TIA1: variants seen among roughly 807,000 people sequenced by gnomAD.
TIA1 encodes cytotoxic granule associated RNA binding protein TIA1.
TIA1 carries 23 observed loss-of-function variants against 65.9 expected under a neutral mutation model. That is an observed-to-expected ratio of 0.35 (90% CI 0.25 to 0.49). TIA1 has a LOEUF of 0.49. TIA1 is among the 20% of genes least tolerant of loss of function. The pLI, the probability that TIA1 is intolerant of heterozygous loss-of-function variation, is 0.98. For synonymous variants in TIA1, 147 were observed against 149.4 expected, an observed-to-expected ratio of 0.98 and a Z score of 0.12; for missense variants, 371 against 477.9, an observed-to-expected ratio of 0.78 and a Z score of 2.09.
intron 6 of TIA1, chr2:70,225,475 T>C: frequency 7.9e-7 from 1 of 1,267,998 alleles, no homozygotes; most frequent in Non-Finnish European, 1.0e-6. Context: ...CTCAAAAAAT[T>C]GGACTCAAAT....
At chr2:70,241,206 G>C (rs1179310354) in intron 1 of TIA1, among the ~76,000 whole-genome samples, 1 of 152,114 alleles carries the variant, frequency 6.6e-6, no homozygotes, top group African/African-American at 2.4e-5. Context: ...TAGCACTTTG[G>C]GAGACCGAGG....
chr2:70,226,916 A>G (rs967325265), intron 6 of TIA1, among the ~76,000 whole-genome samples: 3 of 152,132 alleles, frequency 2.0e-5, no homozygotes, highest in African/African-American at 7.2e-5. Context: ...AAATTCACCA[A>G]TACTACTGGC....
Position 70,228,608 on chromosome 2 carries a change from G to A in TIA1, c.310+451C>T, listed in dbSNP as rs560511049. 2.9e-5 allele frequency: 32 copies of A among 1,114,098 alleles called. No homozygotes were observed. In the Middle Eastern group the frequency reaches 8.1e-4, roughly 28 times the overall value. 69.0% of individuals were successfully genotyped at this position (1,114,098 alleles called of 1,614,324 possible). A position where few individuals can be genotyped will look rare whatever the true frequency, so the allele number is the denominator to read the frequency against. ...AGAAACACTTTAAAAATGCAAAATT[G>A]TTGGACCAACACTTTAAAATGGACA... On this transcript the variant is annotated intron_variant, in intron 5 of 12. Coordinates refer to ENST00000433529, the MANE Select transcript of TIA1 (RefSeq NM_022173.4).
At chr2:70,241,498 T>C (rs1377683829) in intron 1 of TIA1, among the ~76,000 whole-genome samples, 2 of 152,148 alleles carry the variant, frequency 1.3e-5, no homozygotes, top group Non-Finnish European at 2.9e-5. Context: ...TGACTATGAA[T>C]TCTTTGGATA....
In TIA1 at chr2:70,243,328, G is replaced by A. The variant is rs552855393; in HGVS notation, c.26+5077C>T. Among the ~76,000 whole-genome samples the A allele has an allele frequency of 3.3e-5, 5 of 152,262 alleles. No homozygotes were observed. The South Asian group carries it at 1.0e-3, about 32-fold the overall frequency. On this transcript the variant is annotated intron_variant, in intron 1 of 12. Coordinates refer to ENST00000433529, the MANE Select transcript of TIA1 (RefSeq NM_022173.4). ...TATAGTCCCAGCTATTCAGGAGGCT[G>A]AGGTGGGAAGATCCCTTGAGCCTGA...
intron 1 of TIA1, among the ~76,000 whole-genome samples, chr2:70,239,202 C>G (rs1407980718): frequency 6.6e-6 from 1 of 152,180 alleles, no homozygotes; most frequent in Non-Finnish European, 1.5e-5. Flanking sequence ...ACGCCATTCT[C>G]CTGCCTCAGC....
chr2:70,248,257 T>C (rs1420740354), intron 1 of TIA1, 148 bp downstream of exon 1: 53 of 863,342 alleles, frequency 6.1e-5, no homozygotes, highest in Non-Finnish European at 8.4e-5. Flanking sequence ...TGGGTCTTGG[T>C]TGTAAGCATC....
At chr2:70,238,255 C>T (rs1475058279) in intron 1 of TIA1, among the ~76,000 whole-genome samples, 3 of 147,580 alleles carry the variant, frequency 2.0e-5, no homozygotes, top group Non-Finnish European at 4.5e-5. Context: ...TTGACGTTCC[C>T]CCAAGTTTTT....
chr2:70,242,288 T>C (rs1028086473), intron 1 of TIA1, among the ~76,000 whole-genome samples: 21 of 151,990 alleles, frequency 1.4e-4, no homozygotes, highest in African/African-American at 5.1e-4. Flanking sequence ...ATCCCAGCAC[T>C]TTGGGAGGCT....
chr2:70,239,994 C>T (rs1419264551), intron 1 of TIA1, among the ~76,000 whole-genome samples: 2 of 152,108 alleles, frequency 1.3e-5, no homozygotes, highest in African/African-American at 4.8e-5. Context: ...AATGTGTAAA[C>T]CCTAATGAAA....
chr2:70,235,989 C>T (rs2104570115), intron 2 of TIA1, 90 bp downstream of exon 2: 2 of 708,940 alleles, frequency 2.8e-6, no homozygotes, highest in Non-Finnish European at 2.4e-6. Context: ...ATATTTAGAC[C>T]ATGGTAAACT....
In TIA1 at chr2:70,211,323, CG is replaced by C. The variant is rs1676434064; in HGVS notation, c.*1395del. 1 of 152,210 alleles carries C rather than the reference CG, an allele frequency of 6.6e-6. No individual in the cohort carries two copies. The highest frequency in any genetic ancestry group is 1.5e-5 in the Non-Finnish European group (1 of 68,002). The allele number at this position is 152,210 out of a possible 1,614,324, so 9.4% of individuals were successfully genotyped here. ...TGGAGCCACCCCAAAATAATAAAATCGGGAACTCCAGGAAAACAGGTACCAA... is the reference window on the plus strand; with the variant it reads ...TGGAGCCACCCCAAAATAATAAAATCGGAACTCCAGGAAAACAGGTACCAA... On this transcript the variant is annotated 3_prime_UTR_variant, in exon 13 of 13. Transcript: ENST00000433529.
At chr2:70,214,216 A>T in intron 12 of TIA1, 133 bp downstream of exon 12, 1 of 970,890 alleles carries the variant, frequency 1.0e-6, no homozygotes, top group Non-Finnish European at 1.4e-6. Flanking sequence ...AAACAATTTT[A>T]AGTTCTTTCA....
At chr2:70,214,632 TAAAAA>T (rs758601002) in intron 11 of TIA1, 138 bp from the exon 12 acceptor site, 6 of 311,978 alleles carry the variant, frequency 1.9e-5, no homozygotes, top group Admixed American at 9.1e-5. Context: ...AGTTGACTGC[TAAAAA>T]AAAAAAAAAA....
Position 70,248,444 on chromosome 2 carries a change from G to T in TIA1, c.-14C>A. ...CTCGTCCTCCATGGCTGCTGCTGTC[G>T]CGGCGGCGCCTCCAGGTCCAGCTCC... is the stretch of plus-strand genomic sequence containing the variant. On this transcript the variant is annotated 5_prime_UTR_variant, in exon 1 of 13. Transcript: ENST00000433529. 1 of 1,600,790 alleles carries T rather than the reference G, an allele frequency of 6.2e-7. No homozygotes were observed.
chr2:70,247,365 T>C (rs17615583), intron 1 of TIA1, among the ~76,000 whole-genome samples: 9,351 of 152,266 alleles, frequency 0.061, 366 homozygotes, highest in East Asian at 0.18. Context: ...AGAGCAACTT[T>C]ATTAGAGAGC....
chr2:70,223,473 G>A (rs534396027), intron 7 of TIA1, among the ~76,000 whole-genome samples: 1 of 151,904 alleles, frequency 6.6e-6, no homozygotes, highest in Non-Finnish European at 1.5e-5. Context: ...CCAGGCTGGA[G>A]TACAGTGGCT....
At chr2:70,224,458 A>G in intron 7 of TIA1, 96 bp downstream of exon 7, 1 of 1,547,454 alleles carries the variant, frequency 6.5e-7, no homozygotes, top group African/African-American at 1.4e-5. Context: ...TCATCAGTAA[A>G]ATAAACAGCA....
chr2:70,238,042 T>C (rs1689845930), intron 1 of TIA1, among the ~76,000 whole-genome samples: 1 of 150,362 alleles, frequency 6.7e-6, no homozygotes, highest in African/African-American at 2.5e-5. Context: ...GCGCCTGTAG[T>C]CCCGGCTACT....
Sources: gnomAD v4.1 joint callset for allele counts (sites outside exome capture counted in the v4.1 genomes callset) on GRCh38, gnomAD v4.1.1 for gene constraint, MANE v1.5 for transcripts, NCBI Gene and HGNC (gene_info 2026-07-23, HGNC 2026-07-21) for gene names.